KHDRBS2: variants seen among roughly 807,000 people sequenced by gnomAD.
KHDRBS2 encodes KH RNA binding domain containing, signal transduction associated 2.
In KHDRBS2, 26 loss-of-function variants were observed where a neutral mutation model predicts 44.3. The observed-to-expected ratio is 0.59, with a 90% CI of 0.43 to 0.81. The LOEUF (loss-of-function observed/expected upper bound fraction) is 0.81, where lower values mean the gene tolerates loss of function less well. Among genes scored for constraint, KHDRBS2 ranks in the 40% least tolerant of loss-of-function variants. The pLI, the probability that KHDRBS2 is intolerant of heterozygous loss-of-function variation, is 0.00. For synonymous variants in KHDRBS2, 194 were observed against 151.1 expected, an observed-to-expected ratio of 1.28 and a Z score of -2.08; for missense variants, 476 against 433.1, an observed-to-expected ratio of 1.10 and a Z score of -0.88.
intron 2 of KHDRBS2, among the ~76,000 whole-genome samples, chr6:62,142,501 T>A (rs1813054568): frequency 6.6e-6 from 1 of 152,080 alleles, no homozygotes; most frequent in Admixed American, 6.5e-5. Context: ...TACGTGCAAA[T>A]GTGGGTTTAC....
intron 2 of KHDRBS2, among the ~76,000 whole-genome samples, chr6:62,170,906 C>T (rs999748233): frequency 1.3e-5 from 2 of 151,100 alleles, no homozygotes; most frequent in African/African-American, 4.9e-5. Context: ...ACTGAACCCG[C>T]CTTATACCAA....
chr6:62,196,730 T>G (rs1384735903), intron 1 of KHDRBS2, among the ~76,000 whole-genome samples: 5 of 152,044 alleles, frequency 3.3e-5, no homozygotes, highest in Non-Finnish European at 5.9e-5. Flanking sequence ...AGGGACAAAC[T>G]TAAATAGGCC....
chr6:61,702,616 A>G (rs9294314), intron 7 of KHDRBS2, among the ~76,000 whole-genome samples: 53,608 of 151,816 alleles, frequency 0.35, 10,298 homozygotes, highest in East Asian at 0.48. Flanking sequence ...TTGAACATGA[A>G]TAATCTTAGA....
chr6:61,860,454 A>C (rs961912959), intron 6 of KHDRBS2, among the ~76,000 whole-genome samples: 2 of 151,980 alleles, frequency 1.3e-5, no homozygotes, highest in African/African-American at 4.8e-5. Flanking sequence ...TCCCACTTAT[A>C]AGTGAGAACG....
intron 4 of KHDRBS2, among the ~76,000 whole-genome samples, chr6:61,943,283 CAAT>C (rs1812531502): frequency 2.0e-5 from 3 of 151,664 alleles, no homozygotes; most frequent in Admixed American, 6.6e-5. Context: ...GGAAAACAAA[CAAT>C]GTTTACCATC....
chr6:61,764,710 C>G (rs1482992236), intron 6 of KHDRBS2, among the ~76,000 whole-genome samples: 1 of 152,026 alleles, frequency 6.6e-6, no homozygotes, highest in Non-Finnish European at 1.5e-5. Flanking sequence ...CCTTTGCACA[C>G]TTTTCAATAG....
the KHDRBS2 span, among the ~76,000 whole-genome samples, chr6:61,570,216 A>T: frequency 6.6e-6 from 1 of 152,168 alleles, no homozygotes; most frequent in African/African-American, 2.4e-5. Flanking sequence ...AGAGAAATAG[A>T]AAAGAAAAAC....
At chr6:61,820,990 G>A (rs982312914) in intron 6 of KHDRBS2, among the ~76,000 whole-genome samples, 5 of 151,988 alleles carry the variant, frequency 3.3e-5, no homozygotes, top group Admixed American at 1.3e-4. Flanking sequence ...ACTGTGTGAG[G>A]AGAATTTCAC....
intron 4 of KHDRBS2, among the ~76,000 whole-genome samples, chr6:61,948,725 C>A (rs1764129155): frequency 6.7e-6 from 1 of 150,152 alleles, no homozygotes; most frequent in African/African-American, 2.4e-5. Context: ...ATTGCCCAGG[C>A]TGGTCTTGAA....
the KHDRBS2 span, among the ~76,000 whole-genome samples, chr6:61,548,575 C>A: frequency 2.0e-5 from 3 of 152,006 alleles, no homozygotes; most frequent in Non-Finnish European, 4.4e-5. Flanking sequence ...AGAAGATAGT[C>A]AAATTTAAAA....
chr6:61,553,812 G>C, the KHDRBS2 span, among the ~76,000 whole-genome samples: 3 of 152,198 alleles, frequency 2.0e-5, no homozygotes, highest in South Asian at 6.2e-4. Context: ...TAGGTTTCCA[G>C]GGACTTTCTT....
intron 2 of KHDRBS2, among the ~76,000 whole-genome samples, chr6:62,100,956 A>C (rs540053915): frequency 1.3e-5 from 2 of 152,318 alleles, no homozygotes; most frequent in East Asian, 3.9e-4. Context: ...AATTGATGAG[A>C]ATAAACATTC....
At chr6:61,837,964 A>G (rs1274577976) in intron 6 of KHDRBS2, among the ~76,000 whole-genome samples, 1 of 152,004 alleles carries the variant, frequency 6.6e-6, no homozygotes, top group East Asian at 1.9e-4. Flanking sequence ...AGCAGTTGAC[A>G]AAAAGATCCT....
chr6:62,124,709 C>A (rs780888258), intron 2 of KHDRBS2, among the ~76,000 whole-genome samples: 2 of 151,912 alleles, frequency 1.3e-5, no homozygotes, highest in Non-Finnish European at 2.9e-5. Context: ...TACACAAGTG[C>A]AGGTATCTAT....
chr6:61,689,325 G>A (rs570603073), intron 8 of KHDRBS2, among the ~76,000 whole-genome samples: 13 of 151,884 alleles, frequency 8.6e-5, no homozygotes, highest in Admixed American at 7.9e-4. Flanking sequence ...TTTTTCCTTT[G>A]AGTTGTTCTG....
intron 7 of KHDRBS2, among the ~76,000 whole-genome samples, chr6:61,728,325 T>A (rs1773907870): frequency 6.6e-6 from 1 of 151,848 alleles, no homozygotes; most frequent in South Asian, 2.1e-4. Context: ...TCAGGAAGAA[T>A]AGCTAATGGA....
At chr6:61,774,971 G>T (rs1331008005) in intron 6 of KHDRBS2, among the ~76,000 whole-genome samples, 2 of 152,142 alleles carry the variant, frequency 1.3e-5, no homozygotes, top group East Asian at 1.9e-4. Flanking sequence ...ACCCCGGGAT[G>T]CAAGGCTGGT....
chr6:61,852,590 C>T (rs905897507), intron 6 of KHDRBS2, among the ~76,000 whole-genome samples: 1 of 151,922 alleles, frequency 6.6e-6, no homozygotes, highest in African/African-American at 2.4e-5. Flanking sequence ...GATTTCCCCC[C>T]CTTTAATTAT....
At chr6:61,617,692 C>T in the KHDRBS2 span, among the ~76,000 whole-genome samples, 15 of 151,938 alleles carry the variant, frequency 9.9e-5, no homozygotes, top group African/African-American at 3.1e-4. Flanking sequence ...TCATAGCATA[C>T]CTCATTAACT....
Sources: gnomAD v4.1 joint callset for allele counts (sites outside exome capture counted in the v4.1 genomes callset) on GRCh38, gnomAD v4.1.1 for gene constraint, MANE v1.5 for transcripts, NCBI Gene and HGNC (gene_info 2026-07-23, HGNC 2026-07-21) for gene names.